The following LEF1 variants were observed in gnomAD, a reference collection of about 807,000 sequenced individuals.
LEF1 encodes the protein lymphoid enhancer binding factor 1.
A neutral mutation model predicts 51.2 loss-of-function variants in LEF1; 14 were observed. The ratio of observed to expected loss-of-function variants is 0.27; its 90% CI spans 0.18 to 0.43. The LOEUF is 0.43. Ranked by LOEUF, LEF1 falls within the 20% of genes least tolerant of loss-of-function variation. The probability of loss-of-function intolerance (pLI) is 1.00; values close to 1 mark genes in which losing one functional copy is unlikely to be tolerated. For synonymous variants in LEF1, 185 were observed against 183.2 expected (o/e 1.01, Z -0.08); for missense variants, 386 against 512.0 (o/e 0.75, Z 2.37).
chr4:108,095,783 G>GAAGGAAAC (rs1740351427), intron 3 of LEF1, among the ~76,000 whole-genome samples: 1 of 152,126 alleles, frequency 6.6e-6, no homozygotes, highest in Non-Finnish European at 1.5e-5. Context: ...GTTTTATCGA[G>GAAGGAAAC]AAGGAAACAA....
At position 108,066,445 on chromosome 4, in the gene LEF1, C is replaced by G. The variant is rs550003949; in HGVS notation, c.1117-2061G>C. Among the ~76,000 whole-genome samples, 9 of 152,278 alleles carry G rather than the reference C, an allele frequency of 5.9e-5. No homozygotes were observed. The East Asian group carries it at 1.7e-3, about 29-fold the overall frequency. On this transcript the variant is annotated intron_variant, in intron 9 of 11. Coordinates refer to ENST00000265165, the MANE Select transcript of LEF1 (RefSeq NM_016269.5). ...GCTCTTCTTCCTCGCTCCCTATGAC[C>G]CTGAGCTCACTGCATGACTGAATGC...
intron 3 of LEF1, among the ~76,000 whole-genome samples, chr4:108,099,540 A>G (rs74935177): frequency 7.0e-4 from 28 of 40,132 alleles, no homozygotes; most frequent in South Asian, 2.7e-3. Context: ...ATATATGTGT[A>G]TATGTGTGTG....
intron 3 of LEF1, among the ~76,000 whole-genome samples, chr4:108,143,637 T>C (rs1409109305): frequency 3.3e-5 from 5 of 152,098 alleles, no homozygotes; most frequent in African/African-American, 1.2e-4. Flanking sequence ...AAAAAGTCAA[T>C]ATACGGCGCC....
chr4:108,084,898 A>G (rs2030681399), intron 4 of LEF1, among the ~76,000 whole-genome samples: 1 of 152,136 alleles, frequency 6.6e-6, no homozygotes, highest in Non-Finnish European at 1.5e-5. Context: ...TCTGAGATCC[A>G]GATACCTCCC....
intron 3 of LEF1, among the ~76,000 whole-genome samples, chr4:108,099,615 TATAA>T (rs758066183): frequency 9.3e-5 from 11 of 118,272 alleles, no homozygotes; most frequent in African/African-American, 3.7e-4. Flanking sequence ...TATATATATA[TATAA>T]ATAATACTTG....
At position 108,167,825 on chromosome 4, in the gene LEF1, G is replaced by C. The variant is rs1163801359; in HGVS notation, c.-58C>G. The C allele has an allele frequency of 6.8e-7, 1 of 1,468,636 alleles. No individual in the cohort carries two copies. Among genetic ancestry groups the C allele is most frequent in the Non-Finnish European group, 9.4e-7 (1 of 1,063,918 alleles). 91.0% of individuals were successfully genotyped at this position (1,468,636 alleles called of 1,614,324 possible). On this transcript the variant is annotated 5_prime_UTR_variant, in exon 1 of 12. Transcript: ENST00000265165. This position sits in a 1 kb window ranked among gnomAD's most constrained non-coding sequence, Gnocchi z 5.7. Reference sequence around the variant, plus strand: ...GGAGCACCCGCGCAACAGCAGGAAAGACAGAGGGGTAACTCAAGGGTGGGG... The same window carrying C: ...GGAGCACCCGCGCAACAGCAGGAAACACAGAGGGGTAACTCAAGGGTGGGG...
At chr4:108,142,429 C>G (rs1743722961) in intron 3 of LEF1, among the ~76,000 whole-genome samples, 1 of 152,084 alleles carries the variant, frequency 6.6e-6, no homozygotes, top group Non-Finnish European at 1.5e-5. Flanking sequence ...CTAATGCCAC[C>G]AAAAGAGGCA....
chr4:108,134,479 G>A (rs563940611), intron 3 of LEF1, among the ~76,000 whole-genome samples: 102 of 152,314 alleles, frequency 6.7e-4, no homozygotes, highest in African/African-American at 2.4e-3. Context: ...GAATAATACA[G>A]GGCACTGGAG....
intron 4 of LEF1, among the ~76,000 whole-genome samples, chr4:108,087,643 G>A (rs576734912): frequency 1.2e-4 from 19 of 152,202 alleles, no homozygotes; most frequent in African/African-American, 4.3e-4. Flanking sequence ...TTAATGTTTC[G>A]AAGAGTTTCA....
intron 3 of LEF1, among the ~76,000 whole-genome samples, chr4:108,126,517 A>G (rs1292441053): frequency 6.6e-6 from 1 of 152,072 alleles, no homozygotes; most frequent in Non-Finnish European, 1.5e-5. Context: ...TAGGTGGAAA[A>G]AGCAGCCAGG....
At chr4:108,127,253 GTTC>G (rs1742604284) in intron 3 of LEF1, among the ~76,000 whole-genome samples, 1 of 152,136 alleles carries the variant, frequency 6.6e-6, no homozygotes, top group African/African-American at 2.4e-5. Context: ...AATTCTTTGG[GTTC>G]TTTTTTGGGA....
At chr4:108,052,442 C>A (rs1487130228) in intron 11 of LEF1, among the ~76,000 whole-genome samples, 1 of 152,194 alleles carries the variant, frequency 6.6e-6, no homozygotes, top group Admixed American at 6.5e-5. Context: ...GAGAGGTAAA[C>A]AGATTCACAG....
chr4:108,064,102 AAC>A (rs1737890212), intron 10 of LEF1, among the ~76,000 whole-genome samples: 5 of 152,220 alleles, frequency 3.3e-5, no homozygotes, highest in Admixed American at 2.6e-4. Context: ...CACAGTTTAC[AAC>A]CAGGATTCCA....
intron 3 of LEF1, among the ~76,000 whole-genome samples, chr4:108,145,119 T>C (rs1743922331): frequency 6.6e-6 from 1 of 152,164 alleles, no homozygotes; most frequent in Non-Finnish European, 1.5e-5. Flanking sequence ...ACAATGTCAA[T>C]ACATATTTCT....
intron 3 of LEF1, among the ~76,000 whole-genome samples, chr4:108,111,179 G>A (rs926696050): frequency 2.0e-5 from 3 of 152,296 alleles, no homozygotes; most frequent in South Asian, 4.1e-4. Context: ...CCCCTGTAAG[G>A]ACAAATGAAG....
intron 3 of LEF1, among the ~76,000 whole-genome samples, chr4:108,110,577 G>A (rs1578355575): frequency 6.6e-6 from 1 of 152,108 alleles, no homozygotes; most frequent in East Asian, 1.9e-4. Flanking sequence ...TGGTATCACT[G>A]CTTCTCTCAG....
At chr4:108,143,056 T>C (rs1743771155) in intron 3 of LEF1, among the ~76,000 whole-genome samples, 1 of 152,196 alleles carries the variant, frequency 6.6e-6, no homozygotes, top group Non-Finnish European at 1.5e-5. Context: ...ACTTCTTAGT[T>C]CTGAAACACC....
intron 3 of LEF1, among the ~76,000 whole-genome samples, chr4:108,162,176 A>C (rs1314008559): frequency 6.6e-6 from 1 of 152,158 alleles, no homozygotes; most frequent in Non-Finnish European, 1.5e-5. Flanking sequence ...CTTAAAATAA[A>C]ATATGAAATA....
chr4:108,053,430 G>A (rs1737129202), intron 11 of LEF1, among the ~76,000 whole-genome samples: 1 of 152,172 alleles, frequency 6.6e-6, no homozygotes, highest in South Asian at 2.1e-4. Context: ...TAACCACAAA[G>A]CTCTAAAGCA....
Sources: allele counts gnomAD v4.1 joint callset (sites outside exome capture counted in the v4.1 genomes callset), GRCh38; gene constraint gnomAD v4.1.1; non-coding constraint Gnocchi (gnomAD v3.1); transcripts MANE v1.5; gene names NCBI Gene and HGNC (gene_info 2026-07-23, HGNC 2026-07-21).